Variants in TBC1D15 observed in about 807,000 individuals in gnomAD.
TBC1D15 encodes GAP for RAB7.
TBC1D15 carries 39 observed loss-of-function variants against 95.4 expected under a neutral mutation model. The ratio of observed to expected loss-of-function variants is 0.41; its 90% confidence interval spans 0.32 to 0.53. TBC1D15 has a LOEUF of 0.53. Ranked by LOEUF, TBC1D15 falls within the 20% of genes least tolerant of loss-of-function variation. The pLI is 0.29. For synonymous variants in TBC1D15, 258 were observed against 261.3 expected (o/e 0.99, Z 0.12); for missense variants, 733 against 794.3 (o/e 0.92, Z 0.93).
intron 1 of TBC1D15, among the ~76,000 whole-genome samples, chr12:71,863,637 GTC>G (rs1449996192): frequency 6.6e-6 from 1 of 151,988 alleles, no homozygotes; most frequent in African/African-American, 2.4e-5. Flanking sequence ...ACCTTTTCTT[GTC>G]TCTCATCACT....
At chr12:71,896,156 G>GT in intron 8 of TBC1D15, 81 bp downstream of exon 8, 2 of 1,215,532 alleles carry the variant, frequency 1.6e-6, no homozygotes, top group Non-Finnish European at 1.1e-6. Context: ...CTGTTTTGGT[G>GT]TGTTTTTTTT....
intron 1 of TBC1D15, among the ~76,000 whole-genome samples, chr12:71,860,187 TGA>T (rs1890075024): frequency 6.6e-6 from 1 of 152,216 alleles, no homozygotes; most frequent in Admixed American, 6.5e-5. Flanking sequence ...TCTGGTAGTG[TGA>T]GGCGTCCAGC....
At chr12:71,895,122 G>T (rs1001514153) in intron 7 of TBC1D15, among the ~76,000 whole-genome samples, 7 of 151,938 alleles carry the variant, frequency 4.6e-5, no homozygotes, top group African/African-American at 9.7e-5. Flanking sequence ...TTTTGATAAT[G>T]AAGTTTGTTT....
At chr12:71,888,111 G>C (rs17227353) in intron 5 of TBC1D15, among the ~76,000 whole-genome samples, 8,806 of 152,258 alleles carry the variant, frequency 0.058, 349 homozygotes, top group South Asian at 0.15. Context: ...TCTTGAATGT[G>C]TGTTGTTCAT....
chr12:71,908,369 A>G (rs749220855), intron 11 of TBC1D15, among the ~76,000 whole-genome samples: 3 of 152,196 alleles, frequency 2.0e-5, no homozygotes, highest in Non-Finnish European at 4.4e-5. Context: ...CTTATCTGCT[A>G]TGTGAGTGGC....
chr12:71,887,895 G>A (rs555673775), intron 5 of TBC1D15, among the ~76,000 whole-genome samples: 1 of 152,292 alleles, frequency 6.6e-6, no homozygotes, highest in East Asian at 1.9e-4. Flanking sequence ...ATAAATATTA[G>A]TTGAATGAAT....
chr12:71,872,780 ATG>A (rs1565983103), intron 2 of TBC1D15, 147 bp from the exon 3 acceptor site: 1 of 521,876 alleles, frequency 1.9e-6, no homozygotes, highest in East Asian at 3.1e-5. Flanking sequence ...TGAAAAATCT[ATG>A]TAACATTTTT....
chr12:71,850,064 G>T, intron 1 of TBC1D15: 1 of 518,688 alleles, frequency 1.9e-6, no homozygotes, highest in Non-Finnish European at 3.7e-6. Flanking sequence ...AACAGCCATC[G>T]CTGTGAGTTT....
chr12:71,872,819 A>T, intron 2 of TBC1D15, 110 bp from the exon 3 acceptor site: 1 of 692,984 alleles, frequency 1.4e-6, no homozygotes, highest in Admixed American at 2.8e-5. Flanking sequence ...TAGCATATTT[A>T]AAATGTAGAT....
At chr12:71,861,166 C>T (rs1890287928) in intron 1 of TBC1D15, among the ~76,000 whole-genome samples, 1 of 151,980 alleles carries the variant, frequency 6.6e-6, no homozygotes, top group African/African-American at 2.4e-5. Flanking sequence ...CTATGGTGTT[C>T]TTTTTTTGTT....
chr12:71,841,346 C>T (rs1454275046), intron 1 of TBC1D15: 1 of 152,210 alleles, frequency 6.6e-6, no homozygotes, highest in Non-Finnish European at 1.5e-5. Flanking sequence ...TAAAGTGAGA[C>T]TTATATTTAG....
intron 3 of TBC1D15, among the ~76,000 whole-genome samples, chr12:71,874,919 G>T (rs888422415): frequency 6.8e-6 from 1 of 147,844 alleles, no homozygotes; most frequent in Non-Finnish European, 1.5e-5. Context: ...CACCGTGCCT[G>T]TCCTTGCCCA....
intron 1 of TBC1D15, chr12:71,868,680 A>G (rs548069718): frequency 6.6e-6 from 1 of 152,358 alleles, no homozygotes; most frequent in South Asian, 2.1e-4. Context: ...TGTAAGAGGA[A>G]GAGTTGCTTA....
At chr12:71,877,669 C>T (rs1894250546) in intron 3 of TBC1D15, among the ~76,000 whole-genome samples, 1 of 151,824 alleles carries the variant, frequency 6.6e-6, no homozygotes, top group African/African-American at 2.4e-5. Context: ...ATTACTAAGA[C>T]ATCTTTCTTG....
chr12:71,892,357 T>C (rs1897334172), intron 5 of TBC1D15, among the ~76,000 whole-genome samples: 1 of 152,056 alleles, frequency 6.6e-6, no homozygotes, highest in Non-Finnish European at 1.5e-5. Flanking sequence ...ATTAAAGATC[T>C]TATCTCAAAC....
At chr12:71,862,074 A>T (rs889098603) in intron 1 of TBC1D15, among the ~76,000 whole-genome samples, 1 of 152,144 alleles carries the variant, frequency 6.6e-6, no homozygotes, top group African/African-American at 2.4e-5. Context: ...AAACTTGTTT[A>T]GATTTGTTTG....
chr12:71,901,383 A>C (rs1899363810), intron 10 of TBC1D15, among the ~76,000 whole-genome samples: 1 of 152,106 alleles, frequency 6.6e-6, no homozygotes, highest in Non-Finnish European at 1.5e-5. Context: ...TAGAGAAGAA[A>C]GTCTGGAAGG....
At chr12:71,911,739 A>G (rs924414386) in intron 11 of TBC1D15, among the ~76,000 whole-genome samples, 5 of 152,150 alleles carry the variant, frequency 3.3e-5, no homozygotes, top group East Asian at 3.9e-4. Flanking sequence ...TAACCTGCAC[A>G]TTGTGCACAT....
rs570270908 is a variant in TBC1D15, at chr12:71,847,122, G to C, written c.30+7311G>C. On this transcript the variant is annotated intron_variant, in intron 1 of 16. Transcript: ENST00000485960. ...ACATGTATTTAGAGTATACAACTTT[G>C]ACATTTGTGTACACCATGAACCCAT... Among the ~76,000 whole-genome samples, 5 of 152,114 alleles carry C rather than the reference G, an allele frequency of 3.3e-5. No homozygotes were observed. The East Asian group carries it at 7.7e-4, about 24-fold the overall frequency.
Sources: gnomAD v4.1 joint callset for allele counts (sites outside exome capture counted in the v4.1 genomes callset) on GRCh38, gnomAD v4.1.1 for gene constraint, MANE v1.5 for transcripts, NCBI Gene and HGNC (gene_info 2026-07-23, HGNC 2026-07-21) for gene names.